Variants in PIR observed in about 807,000 individuals in gnomAD.
The protein encoded by PIR is pirin.
A neutral mutation model predicts 24.2 loss-of-function variants in PIR; 22 were observed. That is an observed-to-expected ratio of 0.91 (90% confidence interval 0.65 to 1.30). The LOEUF is 1.30. Among genes scored for constraint, PIR ranks in the 50% most tolerant of loss-of-function variants. The pLI, the probability that PIR is intolerant of heterozygous loss-of-function variation, is 0.00. For synonymous variants in PIR, 80 were observed against 79.6 expected, an observed-to-expected ratio of 1.00 and a Z score of -0.03; for missense variants, 220 against 220.3, an observed-to-expected ratio of 1.00 and a Z score of 0.01.
intron 2 of PIR, among the ~76,000 whole-genome samples, chrX:15,487,141 T>C (rs5934246): frequency 0.25 from 27,383 of 110,864 alleles, 2,706 homozygotes; most frequent in East Asian, 0.52. Flanking sequence ...TATCCTAGAC[T>C]GAGATCTAGA....
At chrX:15,410,901 T>G (rs1924722909) in intron 6 of PIR, among the ~76,000 whole-genome samples, 1 of 112,555 alleles carries the variant, frequency 8.9e-6, no homozygotes, top group Non-Finnish European at 1.9e-5. Context: ...CTAAGCTTTG[T>G]TTCTTCAGCT....
chrX:15,418,174 G>A (rs1240851909), intron 6 of PIR, among the ~76,000 whole-genome samples: 1 of 111,604 alleles, frequency 9.0e-6, no homozygotes, highest in African/African-American at 3.3e-5. Flanking sequence ...TCCAGATCCT[G>A]CCTTTAAGTA....
intron 2 of PIR, among the ~76,000 whole-genome samples, chrX:15,487,346 T>C (rs1469614533): frequency 9.2e-6 from 1 of 108,672 alleles, no homozygotes; most frequent in African/African-American, 3.4e-5. Context: ...GTTTTTTTTT[T>C]CAAGTTATCT....
At chrX:15,421,233 AT>A (rs1925121199) in intron 6 of PIR, among the ~76,000 whole-genome samples, 2 of 111,953 alleles carry the variant, frequency 1.8e-5, no homozygotes, top group South Asian at 7.4e-4. Flanking sequence ...TTAATCTAAA[AT>A]TTTTCTGTAC....
At chrX:15,394,135 A>C (rs1170769461) in intron 8 of PIR, among the ~76,000 whole-genome samples, 1 of 110,778 alleles carries the variant, frequency 9.0e-6, no homozygotes, top group Non-Finnish European at 1.9e-5. Flanking sequence ...ATTACCTGAA[A>C]AAAATTACCA....
intron 3 of PIR, among the ~76,000 whole-genome samples, chrX:15,474,147 A>C (rs1365246843): frequency 8.9e-6 from 1 of 111,947 alleles, no homozygotes; most frequent in Non-Finnish European, 1.9e-5. Context: ...ATTCAGAGAG[A>C]CTCCAGGGAT....
At position 15,433,929 on chromosome X, in the gene PIR, A is replaced by G. The variant is rs183453454; in HGVS notation, c.481-7939T>C. ...GAAGGGGAAAGAAGGAGGAGGAGGA[A>G]GGAGGAAGAAGGAGGAGGAGGAAGG... is the stretch of plus-strand genomic sequence containing the variant. On this transcript the variant is annotated intron_variant, in intron 5 of 9. Transcript: ENST00000380420. Among the ~76,000 whole-genome samples the G allele has an allele frequency of 4.6e-3, 319 of 69,644 alleles. 17 individuals are homozygous for G. The highest frequency in any genetic ancestry group is 0.02 in the African/African-American group (302 of 15,029). The allele number at this position is 69,644 out of a possible 115,157, so 60.5% of individuals were successfully genotyped here.
At chrX:15,472,873 T>C (rs759265397) in intron 3 of PIR, among the ~76,000 whole-genome samples, 1 of 112,900 alleles carries the variant, frequency 8.9e-6, no homozygotes, top group African/African-American at 3.2e-5. Flanking sequence ...ACATGTATTT[T>C]GTAATTTTAT....
chrX:15,457,610 A>G, intron 4 of PIR, among the ~76,000 whole-genome samples: 1 of 112,120 alleles, frequency 8.9e-6, no homozygotes, highest in Non-Finnish European at 1.9e-5. Flanking sequence ...AGCCAGGGGA[A>G]GGGGAAGAGG....
chrX:15,488,531 G>T (rs1400726488), intron 2 of PIR, among the ~76,000 whole-genome samples: 1 of 110,845 alleles, frequency 9.0e-6, no homozygotes, highest in African/African-American at 3.3e-5. Context: ...TGTTTATGAA[G>T]AATTTATAAT....
intron 6 of PIR, among the ~76,000 whole-genome samples, chrX:15,412,760 G>T (rs1160803040): frequency 8.9e-6 from 1 of 111,917 alleles, no homozygotes; most frequent in Non-Finnish European, 1.9e-5. Context: ...GGGGAGTGGG[G>T]AAACAAAGCG....
intron 4 of PIR, 125 bp downstream of exon 4, chrX:15,459,532 A>G (rs1921212321): frequency 1.8e-5 from 8 of 439,935 alleles, no homozygotes; most frequent in Non-Finnish European, 3.3e-5. Flanking sequence ...AATCTGTAGA[A>G]AAGGAAAAGT....
intron 5 of PIR, among the ~76,000 whole-genome samples, chrX:15,453,729 G>A (rs1232656394): frequency 4.5e-5 from 5 of 112,096 alleles, no homozygotes; most frequent in Admixed American, 9.5e-5. Flanking sequence ...CCTTGGCTGT[G>A]ATTACAAGAC....
At chrX:15,445,650 C>A (rs1354984113) in intron 5 of PIR, among the ~76,000 whole-genome samples, 1 of 110,621 alleles carries the variant, frequency 9.0e-6, no homozygotes, top group African/African-American at 3.3e-5. Flanking sequence ...CTTAATCAGT[C>A]CATATTGTAT....
chrX:15,451,111 G>A (rs937841159), intron 5 of PIR, among the ~76,000 whole-genome samples: 1 of 111,885 alleles, frequency 8.9e-6, no homozygotes, highest in Non-Finnish European at 1.9e-5. Flanking sequence ...GACTAGGAAA[G>A]AATTGCCCGA....
intron 6 of PIR, among the ~76,000 whole-genome samples, chrX:15,413,385 C>T (rs1316062264): frequency 9.0e-6 from 1 of 111,423 alleles, no homozygotes; most frequent in African/African-American, 3.3e-5. Flanking sequence ...AAGAAGTCTA[C>T]ATTTTTGCGA....
chrX:15,409,273 A>T (rs1333099965), intron 6 of PIR, among the ~76,000 whole-genome samples: 1 of 99,804 alleles, frequency 1.0e-5, no homozygotes. Flanking sequence ...TAATTTTTGT[A>T]TTTTTAGTAG....
At chrX:15,409,095 C>CTTTT (rs11308485) in intron 6 of PIR, among the ~76,000 whole-genome samples, 1 of 60,430 alleles carries the variant, frequency 1.7e-5, no homozygotes, top group Non-Finnish European at 3.1e-5. Context: ...GTTTTTCTCC[C>CTTTT]TTTTTTTTTT....
chrX:15,407,599 G>C (rs1174720613), intron 6 of PIR, 49 bp from the exon 7 acceptor site: 1 of 944,461 alleles, frequency 1.1e-6, no homozygotes, highest in Non-Finnish European at 1.5e-6. Context: ...AATGCCAAAA[G>C]GAACAAAGAC....
Sources: allele counts gnomAD v4.1 joint callset (sites outside exome capture counted in the v4.1 genomes callset), GRCh38; gene constraint gnomAD v4.1.1; transcripts MANE v1.5; gene names NCBI Gene and HGNC (gene_info 2026-07-23, HGNC 2026-07-21).